ZNF600: variants seen among roughly 807,000 people sequenced by gnomAD.
ZNF600 encodes zinc finger protein KR-ZNF1.
ZNF600 carries 4 observed loss-of-function variants against 7.3 expected under a neutral mutation model. The ratio of observed to expected loss-of-function variants is 0.55; its 90% CI spans 0.27 to 1.25. The LOEUF (loss-of-function observed/expected upper bound fraction) is 1.25, where lower values mean the gene tolerates loss of function less well. ZNF600 is among the 50% of genes most tolerant of loss of function. The pLI is 0.12. For synonymous variants in ZNF600, 290 were observed against 308.9 expected (o/e 0.94, Z 0.64); for missense variants, 911 against 922.1 (o/e 0.99, Z 0.16).
At chr19:52,794,476 C>G in the ZNF600 span, among the ~76,000 whole-genome samples, 6 of 152,050 alleles carry the variant, frequency 3.9e-5, no homozygotes, top group Admixed American at 6.6e-5. Flanking sequence ...TGAGAAGCTC[C>G]GAGTTGAGTC....
At chr19:52,797,332 C>T in the ZNF600 span, 2 of 152,348 alleles carry the variant, frequency 1.3e-5, no homozygotes, top group South Asian at 4.1e-4. Context: ...AGAATGCTCT[C>T]ACCCTTTCTA....
the ZNF600 span, among the ~76,000 whole-genome samples, chr19:52,811,046 C>T: frequency 1.1e-4 from 17 of 149,602 alleles, no homozygotes; most frequent in Admixed American, 2.6e-4. Flanking sequence ...CGCGCCGCCA[C>T]GCCTGACTGG....
the ZNF600 span, among the ~76,000 whole-genome samples, chr19:52,830,137 T>G: frequency 0.41 from 62,195 of 151,738 alleles, 15,408 homozygotes; most frequent in Non-Finnish European, 0.57. Context: ...GCTGGGTGTG[T>G]TGGTGCATGC....
the ZNF600 span, among the ~76,000 whole-genome samples, chr19:52,821,355 G>C: frequency 1.3e-5 from 2 of 152,154 alleles, no homozygotes; most frequent in African/African-American, 2.4e-5. Flanking sequence ...CTACGAGATA[G>C]GAAGTGTATA....
At chr19:52,800,789 C>G in the ZNF600 span, 46 of 1,613,968 alleles carry the variant, frequency 2.9e-5, no homozygotes, top group Non-Finnish European at 3.4e-6. Context: ...TGTAAGGTTT[C>G]TCTCCAGTGT....
the ZNF600 span, chr19:52,810,633 T>G: frequency 7.3e-7 from 1 of 1,374,130 alleles, no homozygotes; most frequent in Non-Finnish European, 1.0e-6. Context: ...CATTCTACAG[T>G]GGTTTTAACA....
At chr19:52,831,412 C>G in the ZNF600 span, among the ~76,000 whole-genome samples, 1 of 152,064 alleles carries the variant, frequency 6.6e-6, no homozygotes, top group Non-Finnish European at 1.5e-5. Context: ...CAGGTTTAAG[C>G]AATTCTCTTG....
chr19:52,804,394 C>T, the ZNF600 span, among the ~76,000 whole-genome samples: 1 of 152,160 alleles, frequency 6.6e-6, no homozygotes, highest in South Asian at 2.1e-4. Context: ...CCTCCTCAGC[C>T]CAGTCTTACT....
chr19:52,786,778 G>A, exon 1 of ZNF600: 1 of 291,486 alleles, frequency 3.4e-6, no homozygotes, highest in South Asian at 1.9e-5. Flanking sequence ...CCGGGTTTGT[G>A]CGCGCCCAGG....
chr19:52,809,805 C>T, the ZNF600 span: 1 of 463,334 alleles, frequency 2.2e-6, no homozygotes. Context: ...AAAAAAGGAG[C>T]CCAGTCTGAG....
chr19:52,830,223 G>A, the ZNF600 span, among the ~76,000 whole-genome samples: 19 of 152,110 alleles, frequency 1.2e-4, no homozygotes, highest in African/African-American at 4.3e-4. Context: ...AGTGAGCTGA[G>A]GTTGCACCAC....
At chr19:52,822,966 C>T in the ZNF600 span, among the ~76,000 whole-genome samples, 34 of 152,056 alleles carry the variant, frequency 2.2e-4, no homozygotes, top group Admixed American at 1.1e-3. Flanking sequence ...CAAGTAGAGA[C>T]GTTAAGGTTT....
At chr19:52,793,777 C>G in the ZNF600 span, among the ~76,000 whole-genome samples, 1 of 62,370 alleles carries the variant, frequency 1.6e-5, no homozygotes. Flanking sequence ...CACACACACA[C>G]ACACACACAC....
chr19:52,824,973 T>C, the ZNF600 span, among the ~76,000 whole-genome samples: 10 of 152,184 alleles, frequency 6.6e-5, no homozygotes, highest in Non-Finnish European at 1.0e-4. Context: ...GGTGCACACC[T>C]GTAGTTCCAG....
chr19:52,810,769 A>C, the ZNF600 span: 66 of 516,300 alleles, frequency 1.3e-4, no homozygotes, highest in African/African-American at 4.0e-4. Flanking sequence ...AAAAAAGAAT[A>C]AAAAAAAACC....
chr19:52,794,164 TA>T, the ZNF600 span, among the ~76,000 whole-genome samples: 2 of 152,000 alleles, frequency 1.3e-5, no homozygotes, highest in Admixed American at 6.6e-5. Context: ...TGAGATGAGA[TA>T]AGGAAAAGCA....
chr19:52,801,566 G>A, the ZNF600 span: 1 of 1,614,148 alleles, frequency 6.2e-7, no homozygotes, highest in African/African-American at 1.3e-5. Flanking sequence ...AGCCATGAAT[G>A]TCTTTCTCAA....
the ZNF600 span, among the ~76,000 whole-genome samples, chr19:52,825,650 G>A: frequency 6.6e-6 from 1 of 152,048 alleles, no homozygotes; most frequent in Non-Finnish European, 1.5e-5. Flanking sequence ...GACAGGGTGA[G>A]ACACCGGTCT....
In ZNF600 at chr19:52,767,783, TA is replaced by T; in HGVS notation, c.191-12del. 1 of 1,544,206 alleles carries T rather than the reference TA, an allele frequency of 6.5e-7. No homozygotes were observed. Among genetic ancestry groups the T allele is most frequent in the African/African-American group, 1.4e-5 (1 of 72,532 alleles). On this transcript the variant is annotated splice_polypyrimidine_tract_variant and intron_variant, in intron 3 of 3. Coordinates refer to ENST00000648973, the Ensembl canonical transcript of ZNF600. ...GTTTGGAAGAGATATCTACAAAATA[TA>T]AACAACAATAGGTTTCCAATTAAGT...
Sources: allele counts gnomAD v4.1 joint callset (sites outside exome capture counted in the v4.1 genomes callset), GRCh38; gene constraint gnomAD v4.1.1; transcripts MANE v1.5; gene names NCBI Gene and HGNC (gene_info 2026-07-23, HGNC 2026-07-21).